The following ZNF236 variants were observed in gnomAD, a reference collection of about 807,000 sequenced individuals.
The protein encoded by ZNF236 is regulated by glucose.
Under a neutral mutation model 191.2 loss-of-function variants are expected in ZNF236, and 50 were observed. The observed-to-expected ratio is 0.26, with a 90% CI of 0.21 to 0.33. The LOEUF (loss-of-function observed/expected upper bound fraction) is 0.33. Among genes scored for constraint, ZNF236 ranks in the 10% least tolerant of loss-of-function variants. The probability of loss-of-function intolerance (pLI) is 1.00; values close to 1 mark genes in which losing one functional copy is unlikely to be tolerated. For synonymous variants in ZNF236, 907 were observed against 928.8 expected, an observed-to-expected ratio of 0.98 and a Z score of 0.43; for missense variants, 1,754 against 2,374.5, an observed-to-expected ratio of 0.74 and a Z score of 5.43.
chr18:76,958,039 T>C (rs1968563982), intron 28 of ZNF236, among the ~76,000 whole-genome samples: 1 of 152,182 alleles, frequency 6.6e-6, no homozygotes, highest in Non-Finnish European at 1.5e-5. Context: ...TGCATTAGCG[T>C]CCTCTGGTGC....
At chr18:76,853,412 G>T (rs1166657705) in intron 3 of ZNF236, among the ~76,000 whole-genome samples, 1 of 151,952 alleles carries the variant, frequency 6.6e-6, no homozygotes, top group Admixed American at 6.6e-5. Context: ...TTTGGATCCT[G>T]TTTTTATCAA....
rs149373782 is a variant in ZNF236 at position 76,897,609 on chromosome 18, C to T, written c.1691-1410C>T. On this transcript the variant is annotated intron_variant, in intron 10 of 30. Coordinates refer to ENST00000320610, the MANE Select transcript of ZNF236 (RefSeq NM_001306089.2). Reference sequence around the variant, plus strand: ...ACACAGTACCAAACAGTACTGCACACAGGCATCATGCACAGTACCAAACAC... The same window carrying T: ...ACACAGTACCAAACAGTACTGCACATAGGCATCATGCACAGTACCAAACAC... Among the ~76,000 whole-genome samples, 421 of 152,258 alleles carry T rather than the reference C, an allele frequency of 2.8e-3. 6 individuals carry two copies. The highest frequency in any genetic ancestry group is 9.8e-3 in the African/African-American group (408 of 41,522).
At chr18:76,943,242 G>A (rs982300048) in intron 26 of ZNF236, among the ~76,000 whole-genome samples, 10 of 152,074 alleles carry the variant, frequency 6.6e-5, no homozygotes, top group Admixed American at 6.6e-4. Flanking sequence ...CCCAATTTTG[G>A]AAGAATATTG....
At chr18:76,940,914 G>C (rs1968120159) in intron 26 of ZNF236, among the ~76,000 whole-genome samples, 1 of 152,158 alleles carries the variant, frequency 6.6e-6, no homozygotes, top group Non-Finnish European at 1.5e-5. Context: ...AGATGAACTG[G>C]GGCATTACAT....
At chr18:76,942,392 T>C (rs1386872808) in intron 26 of ZNF236, among the ~76,000 whole-genome samples, 1 of 152,224 alleles carries the variant, frequency 6.6e-6, no homozygotes, top group African/African-American at 2.4e-5. Context: ...TGTAAACTTA[T>C]TATGTATTAT....
rs112490684 is a variant in ZNF236 at position 76,970,930 on chromosome 18, C to T, written c.*2591C>T. Among the ~76,000 whole-genome samples, 584 of 152,376 alleles carry T rather than the reference C, an allele frequency of 3.8e-3. 6 individuals are homozygous for T. Among genetic ancestry groups the T allele is most frequent in the African/African-American group, 0.013 (556 of 41,598 alleles). On this transcript the variant is annotated 3_prime_UTR_variant, in exon 31 of 31. Coordinates refer to ENST00000320610, the MANE Select transcript of ZNF236 (RefSeq NM_001306089.2). Reference sequence around the variant, plus strand: ...AGGGCATGGCTCCGCGACAGCGAGCCGTGGGCGTCAGCACAGTGCCCTGTG... The same window carrying T: ...AGGGCATGGCTCCGCGACAGCGAGCTGTGGGCGTCAGCACAGTGCCCTGTG...
At chr18:76,963,432 T>A (rs1051855049) in intron 30 of ZNF236, among the ~76,000 whole-genome samples, 1 of 152,214 alleles carries the variant, frequency 6.6e-6, no homozygotes, top group African/African-American at 2.4e-5. Context: ...ACCCACTTGA[T>A]CATATGGTGG....
At chr18:76,823,340 T>A (rs1974919882) in intron 1 of ZNF236, among the ~76,000 whole-genome samples, 1 of 149,952 alleles carries the variant, frequency 6.7e-6, no homozygotes, top group Non-Finnish European at 1.5e-5. Context: ...CCTGAGCCTC[T>A]GCAGACGCTG....
intron 1 of ZNF236, among the ~76,000 whole-genome samples, chr18:76,828,882 G>T (rs545996155): frequency 9.9e-5 from 15 of 152,144 alleles, no homozygotes; most frequent in Non-Finnish European, 2.1e-4. Flanking sequence ...GCCCAGGCTG[G>T]TCTTGAACTC....
intron 6 of ZNF236, among the ~76,000 whole-genome samples, chr18:76,876,104 G>A (rs1976705304): frequency 6.6e-6 from 1 of 152,182 alleles, no homozygotes; most frequent in Non-Finnish European, 1.5e-5. Context: ...TTGGACAGAG[G>A]CCTGCTTTGT....
chr18:76,834,990 T>TTG (rs1411734875), intron 1 of ZNF236: 102 of 176,036 alleles, frequency 5.8e-4, no homozygotes, highest in Non-Finnish European at 9.8e-4. Context: ...TTTTTTTTTT[T>TTG]TTTCTCAGCT....
intron 1 of ZNF236, among the ~76,000 whole-genome samples, chr18:76,826,277 A>ATT (rs937771474): frequency 6.7e-5 from 8 of 119,416 alleles, no homozygotes; most frequent in South Asian, 2.6e-4. Context: ...ATGGCTAGCT[A>ATT]TTTTTTTTTT....
chr18:76,934,076 T>C (rs1435319832), intron 25 of ZNF236, among the ~76,000 whole-genome samples: 1 of 152,230 alleles, frequency 6.6e-6, no homozygotes, highest in East Asian at 1.9e-4. Context: ...TATATGGCTA[T>C]TATTATTTTT....
chr18:76,879,475 TTA>T (rs1419769189), intron 7 of ZNF236, among the ~76,000 whole-genome samples: 1 of 152,172 alleles, frequency 6.6e-6, no homozygotes, highest in Non-Finnish European at 1.5e-5. Context: ...TTGTCAGGGT[TTA>T]CTCTCAGAGT....
intron 1 of ZNF236, among the ~76,000 whole-genome samples, chr18:76,843,922 A>C (rs1332125428): frequency 6.6e-6 from 1 of 150,972 alleles, no homozygotes; most frequent in Non-Finnish European, 1.5e-5. Flanking sequence ...TCACGCCTGT[A>C]ATATGAGCAC....
At chr18:76,965,708 G>T (rs1968755101) in intron 30 of ZNF236, among the ~76,000 whole-genome samples, 2 of 152,230 alleles carry the variant, frequency 1.3e-5, no homozygotes, top group African/African-American at 4.8e-5. Flanking sequence ...GGTACTAGGG[G>T]TTGTCTGCAC....
chr18:76,863,963 T>C (rs1976322784), intron 3 of ZNF236, among the ~76,000 whole-genome samples: 1 of 152,138 alleles, frequency 6.6e-6, no homozygotes, highest in Admixed American at 6.5e-5. Flanking sequence ...AGATTAACAT[T>C]TAAACCATTG....
chr18:76,840,687 G>A (rs540717072), intron 1 of ZNF236, among the ~76,000 whole-genome samples: 2 of 140,792 alleles, frequency 1.4e-5, no homozygotes, highest in East Asian at 2.2e-4. Context: ...GTGCAGTGAC[G>A]TGATCTTGGC....
chr18:76,857,673 G>A (rs967506493), intron 3 of ZNF236, among the ~76,000 whole-genome samples: 3 of 152,122 alleles, frequency 2.0e-5, no homozygotes, highest in Non-Finnish European at 4.4e-5. Context: ...ACCCTTGCCC[G>A]CCCACTCACC....
Sources: allele counts gnomAD v4.1 joint callset (sites outside exome capture counted in the v4.1 genomes callset), GRCh38; gene constraint gnomAD v4.1.1; transcripts MANE v1.5; gene names NCBI Gene and HGNC (gene_info 2026-07-23, HGNC 2026-07-21).